Variants in ZFAND3 observed in about 807,000 individuals in gnomAD.
ZFAND3 encodes AN1-type zinc finger protein 3.
A neutral mutation model predicts 29.6 loss-of-function variants in ZFAND3; 10 were observed. The observed-to-expected ratio is 0.34, with a 90% CI of 0.21 to 0.57. The LOEUF (loss-of-function observed/expected upper bound fraction) is 0.57. ZFAND3 is among the 20% of genes least tolerant of loss of function. ZFAND3 has a pLI of 0.86. For synonymous variants in ZFAND3, 128 were observed against 112.6 expected, an observed-to-expected ratio of 1.14 and a Z score of -0.87; for missense variants, 230 against 304.5, an observed-to-expected ratio of 0.76 and a Z score of 1.82.
Position 37,978,735 on chromosome 6 carries a change from G to C in ZFAND3, c.112+48736G>C, listed in dbSNP as rs564265813. 2.0e-5 allele frequency among the ~76,000 whole-genome samples: 3 copies of C among 152,232 alleles called. No homozygotes were observed. In the East Asian group the frequency reaches 5.8e-4, roughly 29 times the overall value. ...TGTTTATAACATTTCATCCGTCTCAGCTCACTGCAACCTCTGCCTCCTGGG... is the reference window on the plus strand; with the variant it reads ...TGTTTATAACATTTCATCCGTCTCACCTCACTGCAACCTCTGCCTCCTGGG... On this transcript the variant is annotated intron_variant, in intron 2 of 5. Transcript: ENST00000287218.
intron 2 of ZFAND3, among the ~76,000 whole-genome samples, chr6:37,969,839 T>C (rs1762356326): frequency 6.6e-6 from 1 of 152,242 alleles, no homozygotes; most frequent in East Asian, 1.9e-4. Context: ...GGGAAACTGC[T>C]TCTTTGATGG....
intron 1 of ZFAND3, among the ~76,000 whole-genome samples, chr6:37,850,444 G>A (rs570131870): frequency 1.3e-5 from 2 of 152,182 alleles, no homozygotes; most frequent in Non-Finnish European, 2.9e-5. Context: ...AGGATGACAC[G>A]TCTAATGGGT....
At chr6:38,036,769 A>C (rs1204554826) in intron 2 of ZFAND3, among the ~76,000 whole-genome samples, 1 of 152,118 alleles carries the variant, frequency 6.6e-6, no homozygotes, top group Non-Finnish European at 1.5e-5. Context: ...TTTTTATTAA[A>C]AATCTTTTTC....
intron 5 of ZFAND3, among the ~76,000 whole-genome samples, chr6:38,120,530 T>C (rs1340548356): frequency 2.0e-5 from 3 of 151,850 alleles, no homozygotes; most frequent in Non-Finnish European, 4.4e-5. Flanking sequence ...TTCATCATGT[T>C]GCCCAGGCTG....
In ZFAND3 at chr6:37,863,279, A is replaced by G. The variant is rs78892789; in HGVS notation, c.71+43263A>G. Among the ~76,000 whole-genome samples, 2,588 of 152,342 alleles carry G rather than the reference A, an allele frequency of 0.017. 256 individuals are homozygous for G. In the East Asian group the frequency reaches 0.28, roughly 16 times the overall value. The stretch of plus-strand genomic sequence containing the variant: ...CCCACATTCCACATCAAGTGGTCAC[A>G]TACCACTTTGAAATATTTCTATTGA... On this transcript the variant is annotated intron_variant, in intron 1 of 5. Coordinates refer to ENST00000287218, the MANE Select transcript of ZFAND3 (RefSeq NM_021943.3).
intron 1 of ZFAND3, among the ~76,000 whole-genome samples, chr6:37,895,160 T>A (rs1765176665): frequency 6.6e-6 from 1 of 152,122 alleles, no homozygotes; most frequent in Non-Finnish European, 1.5e-5. Context: ...TAAAGTTTCC[T>A]CACTCATAGA....
chr6:38,020,292 C>G (rs1763324982), intron 2 of ZFAND3, among the ~76,000 whole-genome samples: 1 of 152,132 alleles, frequency 6.6e-6, no homozygotes, highest in Admixed American at 6.5e-5. Context: ...TATAATCCAA[C>G]ACACATTAGT....
chr6:37,938,659 A>G (rs532017392), intron 2 of ZFAND3, among the ~76,000 whole-genome samples: 2 of 152,348 alleles, frequency 1.3e-5, no homozygotes, highest in South Asian at 4.1e-4. Flanking sequence ...AGCCTTTTCT[A>G]ATCTCTTAGT....
intron 1 of ZFAND3, among the ~76,000 whole-genome samples, chr6:37,873,687 A>G (rs1013293129): frequency 6.6e-6 from 1 of 152,190 alleles, no homozygotes; most frequent in Admixed American, 6.5e-5. Context: ...GAGCATGTAC[A>G]ATATAAGGTG....
chr6:38,043,801 C>CTTAGTTAT (rs1554169341), intron 2 of ZFAND3, among the ~76,000 whole-genome samples: 1 of 150,230 alleles, frequency 6.7e-6, no homozygotes, highest in Non-Finnish European at 1.5e-5. Context: ...TGCTCGCTTG[C>CTTAGTTAT]TTATTTATTT....
chr6:38,114,135 T>G (rs1357235182), intron 4 of ZFAND3, among the ~76,000 whole-genome samples: 2 of 152,234 alleles, frequency 1.3e-5, no homozygotes, highest in Non-Finnish European at 2.9e-5. Context: ...ATAAGGATGC[T>G]TTGAATTTAG....
At chr6:38,039,502 A>G (rs190531688) in intron 2 of ZFAND3, among the ~76,000 whole-genome samples, 15 of 152,356 alleles carry the variant, frequency 9.8e-5, no homozygotes, top group Admixed American at 7.2e-4. Flanking sequence ...GAGGAGTATA[A>G]TGTATTCATA....
intron 5 of ZFAND3, among the ~76,000 whole-genome samples, chr6:38,147,965 AG>A (rs1411747735): frequency 6.6e-6 from 1 of 151,602 alleles, no homozygotes; most frequent in Non-Finnish European, 1.5e-5. Flanking sequence ...AATTTAGTTA[AG>A]TCTCATTTGT....
chr6:37,924,772 G>C (rs1340070410), intron 1 of ZFAND3, among the ~76,000 whole-genome samples: 1 of 151,832 alleles, frequency 6.6e-6, no homozygotes, highest in African/African-American at 2.4e-5. Context: ...AGTGAGCTAT[G>C]ATTGGGCACT....
chr6:37,856,738 A>G (rs1324888580), intron 1 of ZFAND3, among the ~76,000 whole-genome samples: 2 of 152,164 alleles, frequency 1.3e-5, no homozygotes, highest in East Asian at 3.8e-4. Context: ...TTTTGTGAGG[A>G]TGTATTTAAT....
intron 1 of ZFAND3, among the ~76,000 whole-genome samples, chr6:37,821,990 T>C (rs1763676417): frequency 1.3e-5 from 2 of 152,198 alleles, no homozygotes; most frequent in Admixed American, 1.3e-4. Context: ...CACACCACTA[T>C]GTCCGGCTAA....
chr6:37,938,782 T>C (rs1300535740), intron 2 of ZFAND3, among the ~76,000 whole-genome samples: 1 of 152,208 alleles, frequency 6.6e-6, no homozygotes, highest in Admixed American at 6.5e-5. Context: ...GATGATGTTA[T>C]GGAAATTATG....
intron 2 of ZFAND3, among the ~76,000 whole-genome samples, chr6:37,950,582 C>T (rs1174891833): frequency 6.6e-6 from 1 of 151,854 alleles, no homozygotes. Flanking sequence ...TTTCACCATC[C>T]TGGCCAGGCT....
chr6:37,975,880 A>G (rs1762468973), intron 2 of ZFAND3, among the ~76,000 whole-genome samples: 1 of 152,122 alleles, frequency 6.6e-6, no homozygotes, highest in Non-Finnish European at 1.5e-5. Context: ...TTATTTCAAT[A>G]TGAGTTTTAG....
Sources: gnomAD v4.1 joint callset for allele counts (sites outside exome capture counted in the v4.1 genomes callset) on GRCh38, gnomAD v4.1.1 for gene constraint, MANE v1.5 for transcripts, NCBI Gene and HGNC (gene_info 2026-07-23, HGNC 2026-07-21) for gene names.